Variants in SLC20A1 observed in about 807,000 individuals in gnomAD.
SLC20A1 encodes the protein solute carrier family 20 member 1.
In SLC20A1, 28 loss-of-function variants were observed where a neutral mutation model predicts 62.7. That is an observed-to-expected ratio of 0.45 (90% confidence interval 0.33 to 0.61). SLC20A1 has a LOEUF of 0.61. Ranked by LOEUF, SLC20A1 falls within the 20% of genes least tolerant of loss-of-function variation. SLC20A1 has a pLI of 0.02. For synonymous variants in SLC20A1, 305 were observed against 302.9 expected (o/e 1.01, Z -0.07); for missense variants, 673 against 838.6 (o/e 0.80, Z 2.44).
chr2:112,652,888 G>A (rs1429594811), intron 5 of SLC20A1, 90 bp downstream of exon 5: 1 of 1,610,344 alleles, frequency 6.2e-7, no homozygotes, highest in Non-Finnish European at 8.5e-7. Context: ...TTGCTTTACA[G>A]GGCTGAAATC....
Position 112,646,980 on chromosome 2 carries a change from C to T in SLC20A1, c.152C>T (p.Ala51Val). 1 of 1,614,116 alleles carries T rather than the reference C, an allele frequency of 6.2e-7. No individual in the cohort carries two copies. The highest frequency in any genetic ancestry group is 1.7e-5 in the Admixed American group (1 of 60,006). ...GATGTAGCAAATTCTTTTGGTACAG[C>T]TGTGGGCTCAGGTGTAGTGACCCTG... ...ANDVANSFGT[A>V]VGSGVVTLKQ... is the part of the protein sequence containing the mutation. The change falls in exon 2 of 11, where the codon GCT (alanine) becomes GTT (valine). Residue 51 changes from alanine (A) to valine (V), a missense_variant. Physicochemically the swap from Ala to Val is moderately conservative, Grantham distance 64. Coordinates refer to ENST00000272542, the MANE Select transcript of SLC20A1 (RefSeq NM_005415.5).
intron 5 of SLC20A1, among the ~76,000 whole-genome samples, chr2:112,655,593 T>G (rs1453676914): frequency 6.6e-6 from 1 of 151,706 alleles, no homozygotes; most frequent in African/African-American, 2.4e-5. Flanking sequence ...CAGGCTGGCC[T>G]TGTATTCCTG....
rs72948485 is a variant in SLC20A1, at chr2:112,656,961, A to G, written c.659-161A>G. 3.4e-3 allele frequency: 2,856 copies of G among 828,854 alleles called. 62 individuals carry two copies. In the African/African-American group the frequency reaches 0.04, roughly 12 times the overall value. 51.3% of individuals were successfully genotyped at this position (828,854 alleles called of 1,614,324 possible). A position where few individuals can be genotyped will look rare whatever the true frequency, so the allele number is the denominator to read the frequency against. On this transcript the variant is annotated intron_variant, in intron 5 of 10. Transcript: ENST00000272542. Reference sequence around the variant, plus strand: ...CATTGAGTTTTTCTCCCAAATTTGTATAGGCACTAGCACAGTAATCCTGTG... The same window carrying G: ...CATTGAGTTTTTCTCCCAAATTTGTGTAGGCACTAGCACAGTAATCCTGTG...
rs1007199610 is a variant in SLC20A1, at chr2:112,646,862, A to G, written c.34A>G (p.Thr12Ala). ...ATLITSTTAA[T>A]AASGPLVDYL... ...GCTGATTACCAGTACTACAGCTGCTACCGCCGCTTCTGGTCCTTTGGTGGA... is the reference window on the plus strand; with the variant it reads ...GCTGATTACCAGTACTACAGCTGCTGCCGCCGCTTCTGGTCCTTTGGTGGA... Residue 12 changes from threonine to alanine, a missense_variant, in exon 2 of 11, where the codon ACC (threonine) becomes GCC (alanine). Physicochemically the swap from Thr to Ala is moderately conservative, Grantham distance 58. Transcript: ENST00000272542. 4 of 1,613,190 alleles carry G rather than the reference A, an allele frequency of 2.5e-6. No homozygotes were observed. The South Asian group carries it at 3.3e-5, about 13-fold the overall frequency.
intron 3 of SLC20A1, 76 bp from the exon 4 acceptor site, chr2:112,647,576 AC>A (rs1320436216): frequency 6.4e-7 from 1 of 1,572,986 alleles, no homozygotes; most frequent in Non-Finnish European, 8.7e-7. Context: ...AGAATTTTGA[AC>A]TCTTAAACAT....
In SLC20A1 at chr2:112,656,952, C is replaced by A. The variant is rs768224568; in HGVS notation, c.659-170C>A. ...TCAGATGATCATTGAGTTTTTCTCC[C>A]AAATTTGTATAGGCACTAGCACAGT... On this transcript the variant is annotated intron_variant, in intron 5 of 10. Transcript: ENST00000272542. 3 of 786,000 alleles carry A rather than the reference C, an allele frequency of 3.8e-6. No homozygotes were observed. The African/African-American group carries it at 5.2e-5, about 14-fold the overall frequency. The allele number at this position is 786,000 out of a possible 1,614,324, so 48.7% of individuals were successfully genotyped here.
chr2:112,657,084 G>T, intron 5 of SLC20A1, 38 bp from the exon 6 acceptor site: 1 of 1,613,476 alleles, frequency 6.2e-7, no homozygotes, highest in Non-Finnish European at 8.5e-7. Context: ...GGGGGCTGTT[G>T]CCCTGGGGTT....
intron 5 of SLC20A1, among the ~76,000 whole-genome samples, chr2:112,653,626 C>A (rs1357412030): frequency 6.6e-6 from 1 of 151,608 alleles, no homozygotes; most frequent in Non-Finnish European, 1.5e-5. Context: ...TTAATGCTTA[C>A]TATGTGCTAT....
Position 112,646,709 on chromosome 2 carries a change from A to C in SLC20A1, c.-120A>C, listed in dbSNP as rs1686288559. 2.5e-6 allele frequency: 1 copy of C among 398,802 alleles called. No individual in the cohort carries two copies. The highest frequency in any genetic ancestry group is 5.0e-5 in the East Asian group (1 of 20,056). The allele number at this position is 398,802 out of a possible 1,614,324, so 24.7% of individuals were successfully genotyped here. A position where few individuals can be genotyped will look rare whatever the true frequency, so the allele number is the denominator to read the frequency against. ...GCTCGGTTTCTGTGCCGTAGTTTAC[A>C]GTATTTAATTTTATATAATATATAT... On this transcript the variant is annotated 5_prime_UTR_variant, in exon 2 of 11. Transcript: ENST00000272542.
chr2:112,654,421 A>G (rs1252850726), intron 5 of SLC20A1, among the ~76,000 whole-genome samples: 1 of 152,126 alleles, frequency 6.6e-6, no homozygotes, highest in Non-Finnish European at 1.5e-5. Flanking sequence ...AAACTTAGAT[A>G]TTTTCGTTGT....
intron 4 of SLC20A1, among the ~76,000 whole-genome samples, chr2:112,650,426 G>C (rs1453724579): frequency 6.6e-6 from 1 of 150,572 alleles, no homozygotes; most frequent in Non-Finnish European, 1.5e-5. Flanking sequence ...TCCGCCTCTC[G>C]GGCTCAAGCA....
At chr2:112,647,627 T>C in intron 3 of SLC20A1, 26 bp from the exon 4 acceptor site, 1 of 1,601,006 alleles carries the variant, frequency 6.2e-7, no homozygotes, top group Non-Finnish European at 8.6e-7. Context: ...TTATTTGATA[T>C]TTTTTCTTAA....
chr2:112,662,169 G>A (rs1035091747), intron 10 of SLC20A1, among the ~76,000 whole-genome samples: 1 of 152,212 alleles, frequency 6.6e-6, no homozygotes, highest in Non-Finnish European at 1.5e-5. Flanking sequence ...GTCCATCATG[G>A]ATCCTGCTGA....
intron 5 of SLC20A1, 112 bp from the exon 6 acceptor site, chr2:112,657,010 C>T (rs1216399817): frequency 8.0e-7 from 1 of 1,245,618 alleles, no homozygotes; most frequent in Non-Finnish European, 1.2e-6. Flanking sequence ...CAGCAGCTGT[C>T]AGGGGTGATG....
rs530627368 is a variant in SLC20A1 at position 112,647,466 on chromosome 2, T to C, written c.475+2T>C. The C allele has an allele frequency of 6.2e-7, 1 of 1,608,992 alleles. No individual in the cohort carries two copies. The highest frequency in any genetic ancestry group is 8.5e-7 in the Non-Finnish European group (1 of 1,178,620). ...AGTGGTCTGAACTGATAAAAATTGG[T>C]ATGTTTAATTCCAAACGGCTTCTTA... On this transcript the variant is annotated splice_donor_variant, in intron 3 of 10. Transcript: ENST00000272542. LOFTEE classifies it high-confidence loss of function.
intron 4 of SLC20A1, among the ~76,000 whole-genome samples, chr2:112,649,692 G>A (rs924570072): frequency 6.6e-6 from 1 of 152,108 alleles, no homozygotes; most frequent in African/African-American, 2.4e-5. Context: ...GACTGGCATC[G>A]CACAGAAGGA....
chr2:112,650,505 ATT>A (rs1464353737), intron 4 of SLC20A1, among the ~76,000 whole-genome samples: 1 of 149,708 alleles, frequency 6.7e-6, no homozygotes, highest in Non-Finnish European at 1.5e-5. Flanking sequence ...GTATTTTTGT[ATT>A]TTTGGTAGAG....
At chr2:112,653,338 T>A in intron 5 of SLC20A1, 1 of 173,162 alleles carries the variant, frequency 5.8e-6, no homozygotes, top group Admixed American at 5.6e-5. Context: ...TTTGTGAGAA[T>A]ATAAAGGTTG....
At position 112,652,678 on chromosome 2, in the gene SLC20A1, A is replaced by G. The variant is rs756018021; in HGVS notation, c.562-24A>G. The G allele has an allele frequency of 4.5e-6, 7 of 1,565,236 alleles. 1 individual carries two copies. The South Asian group carries it at 7.8e-5, about 17-fold the overall frequency. Reference sequence around the variant, plus strand: ...GGTTAACCTTTATACCTTTTAAGATATTGATCTTAATGATGTTTTACAGGC... The same window carrying G: ...GGTTAACCTTTATACCTTTTAAGATGTTGATCTTAATGATGTTTTACAGGC... On this transcript the variant is annotated intron_variant, in intron 4 of 10. Coordinates refer to ENST00000272542, the MANE Select transcript of SLC20A1 (RefSeq NM_005415.5).
Sources: allele counts gnomAD v4.1 joint callset (sites outside exome capture counted in the v4.1 genomes callset), GRCh38; gene constraint gnomAD v4.1.1; transcripts MANE v1.5; gene names NCBI Gene and HGNC (gene_info 2026-07-23, HGNC 2026-07-21).